The following TDP2 variants were observed in gnomAD, a reference collection of about 807,000 sequenced individuals.
TDP2 encodes tyrosyl-DNA phosphodiesterase 2.
In TDP2, 38 loss-of-function variants were observed where a neutral mutation model predicts 42.8. That is an observed-to-expected ratio of 0.89 (90% confidence interval 0.68 to 1.16). The LOEUF is 1.16. TDP2 is among the 50% of genes most tolerant of loss of function. The pLI, the probability that TDP2 is intolerant of heterozygous loss-of-function variation, is 0.00. For synonymous variants in TDP2, 173 were observed against 150.6 expected, an observed-to-expected ratio of 1.15 and a Z score of -1.09; for missense variants, 439 against 439.3, an observed-to-expected ratio of 1.00 and a Z score of 0.01.
intron 2 of TDP2, among the ~76,000 whole-genome samples, chr6:24,661,076 T>C (rs1403978138): frequency 3.9e-5 from 6 of 152,214 alleles, no homozygotes; most frequent in Non-Finnish European, 8.8e-5. Context: ...ATAGTAAGTA[T>C]TTTGTGGGAA....
intron 2 of TDP2, chr6:24,666,145 G>C: frequency 7.1e-6 from 11 of 1,550,426 alleles, no homozygotes; most frequent in Non-Finnish European, 9.6e-6. Context: ...TCAGCCTAGG[G>C]CCTAGAATAA....
chr6:24,664,460 T>A (rs1349414292), intron 2 of TDP2, among the ~76,000 whole-genome samples: 1 of 152,166 alleles, frequency 6.6e-6, no homozygotes, highest in African/African-American at 2.4e-5. Context: ...ATAGCTGTTT[T>A]AAGAGGATTT....
chr6:24,660,289 T>C (rs1295127309), intron 2 of TDP2, among the ~76,000 whole-genome samples: 1 of 152,218 alleles, frequency 6.6e-6, no homozygotes, highest in African/African-American at 2.4e-5. Context: ...AGCGTGTCAT[T>C]AGGTGATTTC....
chr6:24,666,003 C>G, intron 2 of TDP2: 3 of 1,370,576 alleles, frequency 2.2e-6, no homozygotes, highest in Non-Finnish European at 2.8e-6. Context: ...AGTTATGGAG[C>G]CAAATAGTAG....
intron 6 of TDP2, among the ~76,000 whole-genome samples, chr6:24,652,585 C>A (rs1431068752): frequency 6.6e-6 from 1 of 151,984 alleles, no homozygotes; most frequent in East Asian, 1.9e-4. Context: ...AAAAGGAAAC[C>A]TCAGAAAAAA....
intron 2 of TDP2, chr6:24,666,279 T>A: frequency 5.9e-6 from 9 of 1,536,502 alleles, no homozygotes; most frequent in Non-Finnish European, 7.0e-6. Flanking sequence ...AAACATTACA[T>A]TTCCATCTTT....
chr6:24,658,720 T>C lies in TDP2; in HGVS notation c.266A>G (p.Asn89Ser), dbSNP rs61757564. 5,320 of 1,613,662 alleles carry C rather than the reference T, an allele frequency of 3.3e-3. 10 individuals carry two copies. Among genetic ancestry groups the C allele is most frequent in the Non-Finnish European group, 4.2e-3 (4,973 of 1,179,712 alleles). Residue 89 changes from asparagine (N) to serine (S), a missense_variant, in exon 3 of 7, where the codon AAT becomes AGT. Transcript: ENST00000378198. ...AGTGGTGGAATCAGTTGTTTCTTCA[T>C]TGGTTAGGTCAACACTGGCAAGATC... The part of the protein sequence containing the change: ...SEPKTYVDLT[N>S]EETTDSTTSK...
rs113134059 is a variant in TDP2 at position 24,654,234 on chromosome 6, T to C, written c.636+178A>G. The C allele has an allele frequency of 2.4e-4, 99 of 411,962 alleles. 2 individuals are homozygous for C. In the Middle Eastern group the frequency reaches 3.8e-3, roughly 16 times the overall value. The allele number at this position is 411,962 out of a possible 1,614,324, so 25.5% of individuals were successfully genotyped here. Reference sequence around the variant, plus strand: ...AGAAAACAATAGACTGAGAATTCTATCTGCATTTAAAATTTATGTAAAAAA... The same window carrying C: ...AGAAAACAATAGACTGAGAATTCTACCTGCATTTAAAATTTATGTAAAAAA... On this transcript the variant is annotated intron_variant, in intron 5 of 6. Coordinates refer to ENST00000378198, the MANE Select transcript of TDP2 (RefSeq NM_016614.3).
intron 2 of TDP2, among the ~76,000 whole-genome samples, chr6:24,660,187 T>A (rs1392033057): frequency 6.6e-6 from 1 of 152,238 alleles, no homozygotes; most frequent in Non-Finnish European, 1.5e-5. Context: ...GCTTTATTCT[T>A]TTTATTCTGA....
At chr6:24,654,577 A>G (rs1332390168) in intron 4 of TDP2, 47 bp from the exon 5 acceptor site, 2 of 1,039,630 alleles carry the variant, frequency 1.9e-6, no homozygotes, top group South Asian at 2.8e-5. Flanking sequence ...GGTGAGAGTT[A>G]TTTTCAGTTT....
rs749881140 is a variant in TDP2 at position 24,666,798 on chromosome 6, ACCTCAGGCTCGCCCTCTTCCTCCGCCG to A, written c.38_64del (p.Ala13_Glu21del). ...CACACACAGAAGTCGCCGCTTTTTC[ACCTCAGGCTCGCCCTCTTCCTCCGCCG>A]CCTCCCTCCCGCCCTCCAGGCAACT... On this transcript the variant is annotated inframe_deletion, in exon 1 of 7. Coordinates refer to ENST00000378198, the MANE Select transcript of TDP2 (RefSeq NM_016614.3). 1.9e-6 allele frequency: 3 copies of A among 1,614,000 alleles called. No individual in the cohort carries two copies. Among genetic ancestry groups the A allele is most frequent in the Non-Finnish European group, 2.5e-6 (3 of 1,180,024 alleles).
chr6:24,658,862 A>T, intron 2 of TDP2, 128 bp from the exon 3 acceptor site: 1 of 882,814 alleles, frequency 1.1e-6, no homozygotes, highest in Non-Finnish European at 1.7e-6. Context: ...CTGTCCTTAC[A>T]GGGTTAACAA....
rs747466730 is a variant in TDP2, at chr6:24,666,722, C to G, written c.141G>C (p.Leu47=). ...CTTCCATCTCCCAGTCGTTCTCGGCCAGGAAGCACTGAGCCACTGCGGCAT... is the reference window on the plus strand; with the variant it reads ...CTTCCATCTCCCAGTCGTTCTCGGCGAGGAAGCACTGAGCCACTGCGGCAT... ...SCDAAVAQCF[L]AENDWEMERA... Residue 47 remains leucine, a synonymous_variant, in exon 1 of 7, where the codon CTG becomes CTC. Coordinates refer to ENST00000378198, the MANE Select transcript of TDP2 (RefSeq NM_016614.3). 6.2e-7 allele frequency: 1 copy of G among 1,614,154 alleles called. No individual in the cohort carries two copies. The highest frequency in any genetic ancestry group is 1.3e-5 in the African/African-American group (1 of 74,958).
At chr6:24,661,279 A>C (rs374956181) in intron 2 of TDP2, among the ~76,000 whole-genome samples, 1 of 152,164 alleles carries the variant, frequency 6.6e-6, no homozygotes, top group Non-Finnish European at 1.5e-5. Context: ...TCTCTCTTGG[A>C]CAATGGTATT....
At chr6:24,651,109 T>A (rs776204631) in intron 6 of TDP2, 40 bp from the exon 7 acceptor site, 3 of 1,420,686 alleles carry the variant, frequency 2.1e-6, no homozygotes, top group African/African-American at 1.5e-5. Flanking sequence ...ACACATAGCC[T>A]TTTGCCCACT....
At chr6:24,662,923 T>C (rs903627048) in intron 2 of TDP2, among the ~76,000 whole-genome samples, 5 of 152,246 alleles carry the variant, frequency 3.3e-5, no homozygotes, top group African/African-American at 7.2e-5. Context: ...TTCTGTTTCA[T>C]AGCTGAATTT....
chr6:24,650,443 C>T lies in TDP2; in HGVS notation c.*345G>A, dbSNP rs707887. ...TATGTTTTCTTTTGAAGACTTATTT[C>T]AAATATTAACTATTTCGGTGCCTGA... On this transcript the variant is annotated 3_prime_UTR_variant, in exon 7 of 7. Transcript: ENST00000378198. 0.7 allele frequency: 143,941 copies of T among 205,480 alleles called. 50,998 individuals carry two copies. Among genetic ancestry groups the T allele is most frequent in the East Asian group, 0.85 (6,592 of 7,744 alleles). 12.7% of individuals were successfully genotyped at this position (205,480 alleles called of 1,614,324 possible).
intron 6 of TDP2, 105 bp from the exon 7 acceptor site, chr6:24,651,174 T>A: frequency 1.1e-6 from 1 of 891,828 alleles, no homozygotes; most frequent in Non-Finnish European, 1.7e-6. Context: ...AAGAAATTAT[T>A]AATGCAGAAA....
intron 2 of TDP2, among the ~76,000 whole-genome samples, chr6:24,660,560 T>C (rs757772170): frequency 1.3e-5 from 2 of 152,246 alleles, no homozygotes; most frequent in African/African-American, 4.8e-5. Flanking sequence ...TTGTTGTCAA[T>C]AGAGATGTGG....
Sources: gnomAD v4.1 joint callset for allele counts (sites outside exome capture counted in the v4.1 genomes callset) on GRCh38, gnomAD v4.1.1 for gene constraint, MANE v1.5 for transcripts, NCBI Gene and HGNC (gene_info 2026-07-23, HGNC 2026-07-21) for gene names.